The following RAPGEF4 variants were observed in gnomAD, a reference collection of about 807,000 sequenced individuals.
The protein encoded by RAPGEF4 is RAP guanine-nucleotide-exchange factor (GEF) 4.
In RAPGEF4, 66 loss-of-function variants were observed where a neutral mutation model predicts 147.9. That is an observed-to-expected ratio of 0.45 (90% CI 0.37 to 0.55). RAPGEF4 has a LOEUF of 0.55. Ranked by LOEUF, RAPGEF4 falls within the 20% of genes least tolerant of loss-of-function variation. The pLI, the probability that RAPGEF4 is intolerant of heterozygous loss-of-function variation, is 0.00. For missense variants in RAPGEF4, 1,071 were observed against 1,257.3 expected (o/e 0.85, Z 2.24); for synonymous variants, 419 against 442.7 (o/e 0.95, Z 0.67).
chr2:172,893,505 C>A (rs1330370068), intron 4 of RAPGEF4, among the ~76,000 whole-genome samples: 1 of 152,212 alleles, frequency 6.6e-6, no homozygotes, highest in Non-Finnish European at 1.5e-5. Context: ...TGCCCCGAAT[C>A]ATGGGAGTTG....
chr2:172,735,565 C>T (rs114645065), upstream of RAPGEF4: 13,991 of 152,372 alleles, frequency 0.092, 693 homozygotes, highest in South Asian at 0.15. Context: ...GCCTGCCCTC[C>T]CGCCCCGCCT....
intron 11 of RAPGEF4, 24 bp downstream of exon 11, chr2:172,983,604 T>C: frequency 6.2e-7 from 1 of 1,611,358 alleles, no homozygotes; most frequent in Non-Finnish European, 8.5e-7. Context: ...TAGTTTAGCA[T>C]GGTTGGAGCA....
rs547822185 is a variant in RAPGEF4, at chr2:172,878,765, C to T, written c.445-39037C>T. ...AAAAATGGGCAACAATGTGTATAGG[C>T]GATTCACAAAGAAAGGAATATATTT... is the stretch of plus-strand genomic sequence containing the variant. On this transcript the variant is annotated intron_variant, in intron 4 of 30. Coordinates refer to ENST00000397081, the MANE Select transcript of RAPGEF4 (RefSeq NM_007023.4). Among the ~76,000 whole-genome samples the T allele has an allele frequency of 5.3e-5, 8 of 152,060 alleles. No individual in the cohort carries two copies. In the South Asian group the frequency reaches 8.3e-4, roughly 16 times the overall value.
chr2:172,813,691 A>G (rs1045367687), intron 3 of RAPGEF4, among the ~76,000 whole-genome samples: 32 of 152,192 alleles, frequency 2.1e-4, no homozygotes, highest in African/African-American at 7.7e-4. Flanking sequence ...ACTTAAAAAA[A>G]AAAAACTGAG....
chr2:173,043,992 A>G (rs1685098357), intron 29 of RAPGEF4, among the ~76,000 whole-genome samples: 1 of 152,220 alleles, frequency 6.6e-6, no homozygotes, highest in African/African-American at 2.4e-5. Context: ...AAGGAATTTA[A>G]GAGCGAGCTG....
At chr2:172,875,007 G>A (rs980033635) in intron 4 of RAPGEF4, among the ~76,000 whole-genome samples, 1 of 152,218 alleles carries the variant, frequency 6.6e-6, no homozygotes, top group Non-Finnish European at 1.5e-5. Flanking sequence ...GTGATGATGA[G>A]CATTTTTTCA....
Position 173,018,748 on chromosome 2 carries a change from G to A in RAPGEF4, c.2101G>A (p.Asp701Asn), listed in dbSNP as rs779331395. 9 of 1,613,982 alleles carry A rather than the reference G, an allele frequency of 5.6e-6. No homozygotes were observed. Among genetic ancestry groups the A allele is most frequent in the African/African-American group, 4.0e-5 (3 of 74,906 alleles). ...SVKEVISAVA[D>N]KLGSGEGLII... Reference sequence around the variant, plus strand: ...GAAGGAAGTCATCAGTGCAGTTGCCGACAAGCTGGGCTCCGGGGAGGGCCT... The same window carrying A: ...GAAGGAAGTCATCAGTGCAGTTGCCAACAAGCTGGGCTCCGGGGAGGGCCT... The change falls in exon 22 of 31, where the codon GAC becomes AAC. Residue 701 changes from aspartate (D) to asparagine (N), a missense_variant. By Grantham distance (23) the Asp-to-Asn change is conservative. Transcript: ENST00000397081.
chr2:172,882,049 G>A (rs1236210508), intron 4 of RAPGEF4, among the ~76,000 whole-genome samples: 2 of 152,148 alleles, frequency 1.3e-5, no homozygotes, highest in Non-Finnish European at 2.9e-5. Context: ...TATATGTGGT[G>A]TGTTCATGTT....
chr2:172,853,798 C>A (rs1451012910), intron 4 of RAPGEF4, among the ~76,000 whole-genome samples: 1 of 151,890 alleles, frequency 6.6e-6, no homozygotes, highest in Non-Finnish European at 1.5e-5. Context: ...CCCATGGGTT[C>A]TTTAGAACTG....
chr2:172,917,608 A>G lies in RAPGEF4; in HGVS notation c.445-194A>G. 5 of 680,170 alleles carry G rather than the reference A, an allele frequency of 7.4e-6. 1 individual carries two copies. In the South Asian group the frequency reaches 8.0e-5, roughly 11 times the overall value. The allele number at this position is 680,170 out of a possible 1,614,324, so 42.1% of individuals were successfully genotyped here. On this transcript the variant is annotated intron_variant, in intron 4 of 30. Coordinates refer to ENST00000397081, the MANE Select transcript of RAPGEF4 (RefSeq NM_007023.4). Reference sequence around the variant, plus strand: ...CCTGCCCCCGGGCACATTCAGTCTTATTCAGGAAGACCTGTTTAGAACACA... The same window carrying G: ...CCTGCCCCCGGGCACATTCAGTCTTGTTCAGGAAGACCTGTTTAGAACACA...
rs567377025 is a variant in RAPGEF4, at chr2:172,919,775, G to A, written c.517+1901G>A. 5.3e-5 allele frequency among the ~76,000 whole-genome samples: 8 copies of A among 152,084 alleles called. No individual in the cohort carries two copies. The East Asian group carries it at 9.7e-4, about 18-fold the overall frequency. ...GATAAGGGAACACATTCTGATTCCC[G>A]CAAAACCAGCCCCTCCTCTGGAGAG... is the stretch of plus-strand genomic sequence containing the variant. On this transcript the variant is annotated intron_variant, in intron 5 of 30. Coordinates refer to ENST00000397081, the MANE Select transcript of RAPGEF4 (RefSeq NM_007023.4).
At chr2:172,748,398 C>T (rs902387069) in intron 1 of RAPGEF4, among the ~76,000 whole-genome samples, 1 of 152,074 alleles carries the variant, frequency 6.6e-6, no homozygotes, top group Admixed American at 6.6e-5. Flanking sequence ...ATAATCATGG[C>T]AGAAGGTGAA....
chr2:172,773,681 C>A (rs1683873331), intron 1 of RAPGEF4, among the ~76,000 whole-genome samples: 3 of 151,480 alleles, frequency 2.0e-5, no homozygotes, highest in African/African-American at 7.3e-5. Context: ...CAGCCTAAAC[C>A]TTTTCAATCA....
chr2:173,017,095 A>G (rs991960125), intron 19 of RAPGEF4, 79 bp from the exon 20 acceptor site: 33 of 1,342,680 alleles, frequency 2.5e-5, no homozygotes, highest in Middle Eastern at 1.8e-4. Context: ...ATTTTCTAAC[A>G]TAAGATTAGT....
chr2:172,987,639 T>C (rs1191604557), intron 12 of RAPGEF4, among the ~76,000 whole-genome samples: 2 of 152,246 alleles, frequency 1.3e-5, no homozygotes, highest in Non-Finnish European at 2.9e-5. Flanking sequence ...TTAGCTATTA[T>C]AAGTAATCTG....
intron 12 of RAPGEF4, among the ~76,000 whole-genome samples, chr2:172,985,987 G>C (rs1692209690): frequency 6.6e-6 from 1 of 152,194 alleles, no homozygotes; most frequent in Non-Finnish European, 1.5e-5. Context: ...TACATATGCA[G>C]TGTTAATCTA....
Position 173,027,186 on chromosome 2 carries a change from A to G in RAPGEF4, c.2485A>G (p.Thr829Ala), listed in dbSNP as rs757496107. ...TAATGAAATTCAGTTTTGGGTCGTC[A>G]CTGAGATCTGCCTTTGTTCTCAGCT... is the stretch of plus-strand genomic sequence containing the variant. Reference protein sequence around the residue: ...RFNEIQFWVVTEICLCSQLSK... With the variant: ...RFNEIQFWVVAEICLCSQLSK... Residue 829 changes from threonine (T) to alanine (A), a missense_variant, in exon 25 of 31, where the codon ACT becomes GCT. Physicochemically the swap from Thr to Ala is moderately conservative, Grantham distance 58. Coordinates refer to ENST00000397081, the MANE Select transcript of RAPGEF4 (RefSeq NM_007023.4). 3 of 1,613,782 alleles carry G rather than the reference A, an allele frequency of 1.9e-6. No homozygotes were observed. The highest frequency in any genetic ancestry group is 2.5e-6 in the Non-Finnish European group (3 of 1,179,940).
chr2:172,966,608 G>A (rs1307917097), intron 9 of RAPGEF4, among the ~76,000 whole-genome samples: 2 of 152,152 alleles, frequency 1.3e-5, no homozygotes, highest in African/African-American at 2.4e-5. Context: ...TCTGAGCCAC[G>A]TTCATTGTCT....
intron 4 of RAPGEF4, among the ~76,000 whole-genome samples, chr2:172,876,460 G>T (rs937510029): frequency 1.6e-4 from 24 of 152,054 alleles, no homozygotes; most frequent in Non-Finnish European, 2.9e-4. Context: ...TAGCATGAAG[G>T]GCTGTTGAAT....
Sources: allele counts gnomAD v4.1 joint callset (sites outside exome capture counted in the v4.1 genomes callset), GRCh38; gene constraint gnomAD v4.1.1; transcripts MANE v1.5; gene names NCBI Gene and HGNC (gene_info 2026-07-23, HGNC 2026-07-21).